Variants in DIAPH2 observed in about 807,000 individuals in gnomAD.
DIAPH2 encodes protein diaphanous homolog 2.
A neutral mutation model predicts 92.7 loss-of-function variants in DIAPH2; 35 were observed. The observed-to-expected ratio is 0.38, with a 90% confidence interval of 0.29 to 0.50. DIAPH2 has a LOEUF of 0.50. Among genes scored for constraint, DIAPH2 ranks in the 20% least tolerant of loss-of-function variants. DIAPH2 has a pLI of 0.94. For synonymous variants in DIAPH2, 301 were observed against 280.4 expected (o/e 1.07, Z -0.73); for missense variants, 701 against 819.5 (o/e 0.86, Z 1.77).
intron 26 of DIAPH2, among the ~76,000 whole-genome samples, chrX:97,504,781 C>A (rs2070821355): frequency 1.8e-5 from 2 of 111,985 alleles, no homozygotes; most frequent in Admixed American, 1.9e-4. Flanking sequence ...TCTGTTTAAA[C>A]CCAGAAAGAT....
chrX:96,849,913 T>G (rs1302515969), intron 4 of DIAPH2, among the ~76,000 whole-genome samples: 1 of 111,492 alleles, frequency 9.0e-6, no homozygotes, highest in Admixed American at 9.5e-5. Context: ...CCTCTGAAAA[T>G]GCATAATAGT....
intron 26 of DIAPH2, among the ~76,000 whole-genome samples, chrX:97,564,190 T>C (rs1244387181): frequency 8.9e-6 from 1 of 112,339 alleles, no homozygotes; most frequent in Non-Finnish European, 1.9e-5. Context: ...GAGGACACAA[T>C]GTTCATCCAT....
chrX:96,709,889 A>C (rs981075497), intron 1 of DIAPH2, among the ~76,000 whole-genome samples: 1 of 112,239 alleles, frequency 8.9e-6, no homozygotes, highest in African/African-American at 3.2e-5. Flanking sequence ...ACTAATCACA[A>C]ATTGTTGCTT....
At chrX:96,753,121 G>T (rs1271951926) in intron 3 of DIAPH2, among the ~76,000 whole-genome samples, 1 of 111,841 alleles carries the variant, frequency 8.9e-6, no homozygotes, top group Non-Finnish European at 1.9e-5. Flanking sequence ...CTTAGGCCAG[G>T]CTGTGAAGTA....
chrX:97,439,779 C>G (rs1190412867), intron 26 of DIAPH2, among the ~76,000 whole-genome samples: 1 of 108,198 alleles, frequency 9.2e-6, no homozygotes, highest in Non-Finnish European at 1.9e-5. Flanking sequence ...TGGGTGGGGC[C>G]ACCTTAAGAA....
At chrX:96,952,865 T>A (rs951138550) in intron 15 of DIAPH2, among the ~76,000 whole-genome samples, 3 of 111,091 alleles carry the variant, frequency 2.7e-5, no homozygotes, top group Non-Finnish European at 5.7e-5. Context: ...GCTCTTGCCT[T>A]TAATACCAGC....
At chrX:97,567,196 C>G (rs2071333502) in intron 26 of DIAPH2, among the ~76,000 whole-genome samples, 1 of 111,767 alleles carries the variant, frequency 8.9e-6, no homozygotes, top group Non-Finnish European at 1.9e-5. Context: ...TACTGTAAGT[C>G]TGATGAAGCA....
intron 23 of DIAPH2, among the ~76,000 whole-genome samples, chrX:97,295,462 A>T (rs2147619108): frequency 8.9e-6 from 1 of 111,801 alleles, no homozygotes; most frequent in Non-Finnish European, 1.9e-5. Flanking sequence ...CACCTAAAAC[A>T]ATCTAAACAT....
At chrX:97,395,474 G>A (rs1247491297) in intron 25 of DIAPH2, among the ~76,000 whole-genome samples, 1 of 111,896 alleles carries the variant, frequency 8.9e-6, no homozygotes, top group Non-Finnish European at 1.9e-5. Context: ...TTGTCTCTGG[G>A]CCATTATTCA....
At chrX:97,472,545 T>A (rs1272114664) in intron 26 of DIAPH2, among the ~76,000 whole-genome samples, 1 of 112,496 alleles carries the variant, frequency 8.9e-6, no homozygotes, top group African/African-American at 3.2e-5. Context: ...CACACAGGGA[T>A]TTTTATTTTG....
At chrX:97,127,734 C>T (rs751096895) in intron 21 of DIAPH2, among the ~76,000 whole-genome samples, 124 of 112,534 alleles carry the variant, frequency 1.1e-3, no homozygotes, top group African/African-American at 3.6e-3. Context: ...AGGCCAGGTG[C>T]GGTGGCTCAC....
chrX:97,432,579 C>G (rs1463483716), intron 26 of DIAPH2, among the ~76,000 whole-genome samples: 4 of 111,744 alleles, frequency 3.6e-5, no homozygotes, highest in Admixed American at 1.9e-4. Flanking sequence ...CTCTACCTCC[C>G]AGGTTCAAGT....
At chrX:97,272,249 G>A (rs1189154346) in intron 23 of DIAPH2, among the ~76,000 whole-genome samples, 2 of 110,746 alleles carry the variant, frequency 1.8e-5, no homozygotes, top group African/African-American at 6.6e-5. Flanking sequence ...CACCCGCCTC[G>A]GCCTCCCAAA....
At chrX:96,955,286 C>T (rs763246545) in intron 15 of DIAPH2, among the ~76,000 whole-genome samples, 3 of 111,609 alleles carry the variant, frequency 2.7e-5, no homozygotes, top group East Asian at 2.8e-4. Flanking sequence ...ATCAGATCTT[C>T]GGAGAACTCA....
Position 97,270,947 on chromosome X carries a change from G to A in DIAPH2, c.2844+23108G>A, listed in dbSNP as rs917751033. Among the ~76,000 whole-genome samples, 4 of 110,849 alleles carry A rather than the reference G, an allele frequency of 3.6e-5. No homozygotes were observed. The Admixed American group carries it at 3.9e-4, about 11-fold the overall frequency. ...TATTGTGTGCAAATTGTTATACAGTGTGCTAGCAATCGCAGAGAAAATGAA... is the reference window on the plus strand; with the variant it reads ...TATTGTGTGCAAATTGTTATACAGTATGCTAGCAATCGCAGAGAAAATGAA... On this transcript the variant is annotated intron_variant, in intron 23 of 26. Transcript: ENST00000324765.
At chrX:96,929,311 T>TC (rs1280218103) in intron 9 of DIAPH2, among the ~76,000 whole-genome samples, 2 of 111,727 alleles carry the variant, frequency 1.8e-5, no homozygotes, top group Admixed American at 1.9e-4. Context: ...TACTAACTTA[T>TC]CTGGTATGTC....
At chrX:97,092,106 G>GAT (rs1177556780) in intron 19 of DIAPH2, among the ~76,000 whole-genome samples, 1 of 112,102 alleles carries the variant, frequency 8.9e-6, no homozygotes, top group Non-Finnish European at 1.9e-5. Flanking sequence ...ATGTTCCTAC[G>GAT]ATAGTCTTGG....
At chrX:97,522,333 G>A (rs901411025) in intron 26 of DIAPH2, among the ~76,000 whole-genome samples, 12 of 111,557 alleles carry the variant, frequency 1.1e-4, no homozygotes, top group African/African-American at 3.6e-4. Flanking sequence ...TTTTTTAAGA[G>A]ATGGGGTCTC....
At chrX:96,976,992 C>T (rs951384326) in intron 17 of DIAPH2, among the ~76,000 whole-genome samples, 1 of 111,163 alleles carries the variant, frequency 9.0e-6, no homozygotes, top group African/African-American at 3.3e-5. Context: ...GTTTACATAT[C>T]TAGTAAGTGG....
Sources: gnomAD v4.1 joint callset for allele counts (sites outside exome capture counted in the v4.1 genomes callset) on GRCh38, gnomAD v4.1.1 for gene constraint, MANE v1.5 for transcripts, NCBI Gene and HGNC (gene_info 2026-07-23, HGNC 2026-07-21) for gene names.